The following TRMT11 variants were observed in gnomAD, a reference collection of about 807,000 sequenced individuals.
The protein encoded by TRMT11 is tRNA (guanine(10)-N(2))-methyltransferase TRMT11.
TRMT11 carries 53 observed loss-of-function variants against 62.8 expected under a neutral mutation model. The observed-to-expected ratio is 0.84, with a 90% CI of 0.68 to 1.06. The LOEUF (loss-of-function observed/expected upper bound fraction) is 1.06, where lower values mean the gene tolerates loss of function less well. Ranked by LOEUF, TRMT11 falls within the 50% of genes least tolerant of loss-of-function variation. TRMT11 has a pLI of 0.00. For synonymous variants in TRMT11, 188 were observed against 190.3 expected, an observed-to-expected ratio of 0.99 and a Z score of 0.10; for missense variants, 556 against 553.4, an observed-to-expected ratio of 1.00 and a Z score of -0.05.
intron 21 of TRMT11, among the ~76,000 whole-genome samples, chr6:126,124,499 TG>T (rs535102557): frequency 4.0e-4 from 61 of 152,148 alleles, no homozygotes; most frequent in African/African-American, 1.3e-3. Flanking sequence ...CCTGAATAGG[TG>T]GGGTCTTTTT....
intron 1 of TRMT11, among the ~76,000 whole-genome samples, chr6:126,188,097 G>T (rs1461565452): frequency 6.6e-6 from 1 of 151,646 alleles, no homozygotes. Flanking sequence ...AATTTTAAAA[G>T]AACACAATTC....
chr6:126,246,627 A>T, the TRMT11 span, among the ~76,000 whole-genome samples: 1 of 152,212 alleles, frequency 6.6e-6, no homozygotes, highest in Non-Finnish European at 1.5e-5. Context: ...AAATATCAAC[A>T]CTTAGGGAAA....
At chr6:125,995,748 G>GGATAT (rs964379006) in intron 2 of TRMT11, among the ~76,000 whole-genome samples, 102 of 152,152 alleles carry the variant, frequency 6.7e-4, no homozygotes, top group African/African-American at 2.4e-3. Flanking sequence ...TTTCATTTGA[G>GGATAT]GATATATTCG....
At chr6:126,044,805 C>G (rs1051921017) in intron 16 of TRMT11, among the ~76,000 whole-genome samples, 1 of 152,096 alleles carries the variant, frequency 6.6e-6, no homozygotes, top group Non-Finnish European at 1.5e-5. Context: ...CTTTCTAATA[C>G]AACCTACTGT....
intron 17 of TRMT11, among the ~76,000 whole-genome samples, chr6:126,094,384 T>C (rs1777317410): frequency 6.6e-6 from 1 of 152,224 alleles, no homozygotes; most frequent in African/African-American, 2.4e-5. Flanking sequence ...CAATGTCACA[T>C]GGCACCATCA....
intron 16 of TRMT11, among the ~76,000 whole-genome samples, chr6:126,046,954 T>C (rs1041566262): frequency 1.3e-5 from 2 of 152,124 alleles, no homozygotes; most frequent in Non-Finnish European, 2.9e-5. Flanking sequence ...AACCTAATGA[T>C]ACCTTTGAGC....
intron 8 of TRMT11, chr6:126,008,827 G>C (rs1793753760): frequency 2.9e-6 from 1 of 349,728 alleles, no homozygotes; most frequent in African/African-American, 4.0e-5. Flanking sequence ...TGTGAGGAGT[G>C]GGCACCCCAA....
At chr6:126,251,732 G>A in the TRMT11 span, among the ~76,000 whole-genome samples, 2 of 152,146 alleles carry the variant, frequency 1.3e-5, no homozygotes, top group African/African-American at 2.4e-5. Flanking sequence ...ACCCACTTGT[G>A]CAGCCAGATA....
downstream of TRMT11, among the ~76,000 whole-genome samples, chr6:126,039,850 A>G (rs1463082541): frequency 6.6e-6 from 1 of 152,072 alleles, no homozygotes; most frequent in African/African-American, 2.4e-5. Context: ...TTATGGACTC[A>G]GAGTATTAAT....
chr6:125,991,893 C>T (rs1350869662), intron 1 of TRMT11, among the ~76,000 whole-genome samples: 1 of 152,082 alleles, frequency 6.6e-6, no homozygotes, highest in East Asian at 1.9e-4. Context: ...TATTGCTTGT[C>T]CTGAAGCAAC....
chr6:126,130,742 T>C (rs1376724483), intron 21 of TRMT11, among the ~76,000 whole-genome samples: 3 of 152,080 alleles, frequency 2.0e-5, no homozygotes, highest in Non-Finnish European at 4.4e-5. Context: ...CACACAGCAG[T>C]CAACTCTCAA....
chr6:126,213,468 G>C, the TRMT11 span, among the ~76,000 whole-genome samples: 9 of 151,446 alleles, frequency 5.9e-5, no homozygotes, highest in African/African-American at 1.9e-4. Flanking sequence ...CACTTCTTTG[G>C]TTAAGTTAAT....
chr6:126,017,339 A>G (rs1338800598), intron 11 of TRMT11, among the ~76,000 whole-genome samples: 1 of 152,246 alleles, frequency 6.6e-6, no homozygotes, highest in Non-Finnish European at 1.5e-5. Flanking sequence ...AGTATAAGAC[A>G]TAAAAGCAAA....
chr6:126,162,459 C>T (rs1193011841), intron 21 of TRMT11, among the ~76,000 whole-genome samples: 2 of 152,232 alleles, frequency 1.3e-5, no homozygotes, highest in Non-Finnish European at 2.9e-5. Context: ...GTTTTGGTTA[C>T]TGTAGCCTTG....
rs80025534 is a variant in TRMT11 at position 126,169,558 on chromosome 6, G to A, written c.*1824-5267G>A. 3.0e-3 allele frequency among the ~76,000 whole-genome samples: 462 copies of A among 152,292 alleles called. 24 individuals are homozygous for A. In the East Asian group the frequency reaches 0.073, roughly 24 times the overall value. On this transcript the variant is annotated intron_variant and NMD_transcript_variant, in intron 21 of 22. Coordinates refer to the TRMT11 transcript ENST00000648977. ...TTGACTGCCTGGATCAGTTCATAAA[G>A]CTGGAGTTATGGCTTCTTCAAAAAA...
At chr6:126,148,935 A>G (rs970360219) in intron 21 of TRMT11, among the ~76,000 whole-genome samples, 5 of 152,232 alleles carry the variant, frequency 3.3e-5, no homozygotes, top group African/African-American at 9.6e-5. Flanking sequence ...TGAGGATAAT[A>G]TTAATATTAC....
intron 17 of TRMT11, among the ~76,000 whole-genome samples, chr6:126,053,453 G>C (rs1195232744): frequency 6.6e-6 from 1 of 152,142 alleles, no homozygotes; most frequent in Non-Finnish European, 1.5e-5. Flanking sequence ...CTTTTATACA[G>C]CTTTTATGCT....
At position 126,011,437 on chromosome 6, in the gene TRMT11, A is replaced by G; in HGVS notation, c.925+20A>G. The G allele has an allele frequency of 5.0e-6, 8 of 1,597,916 alleles. No individual in the cohort carries two copies. Among genetic ancestry groups the G allele is most frequent in the Non-Finnish European group, 6.0e-6 (7 of 1,170,668 alleles). On this transcript the variant is annotated intron_variant, in intron 9 of 12. Transcript: ENST00000334379. The stretch of plus-strand genomic sequence containing the variant: ...CTGATCGTAAGTTTATTTTTATACA[A>G]AAGTAGGAGTAGGATTCGTTTTGTA...
the TRMT11 span, among the ~76,000 whole-genome samples, chr6:126,229,875 T>G: frequency 3.3e-5 from 5 of 152,152 alleles, no homozygotes; most frequent in East Asian, 7.7e-4. Flanking sequence ...AAAAGCGTTG[T>G]TTTTTTAAGT....
Sources: allele counts gnomAD v4.1 joint callset (sites outside exome capture counted in the v4.1 genomes callset), GRCh38; gene constraint gnomAD v4.1.1; transcripts MANE v1.5; gene names NCBI Gene and HGNC (gene_info 2026-07-23, HGNC 2026-07-21).